Variants in UVRAG observed in about 807,000 individuals in gnomAD.
The protein encoded by UVRAG is UV radiation resistance-associated gene protein.
A neutral mutation model predicts 78.0 loss-of-function variants in UVRAG; 19 were observed. The ratio of observed to expected loss-of-function variants is 0.24; its 90% CI spans 0.17 to 0.36. The LOEUF (loss-of-function observed/expected upper bound fraction) is 0.36. UVRAG is among the 10% of genes least tolerant of loss of function. The pLI is 1.00. For synonymous variants in UVRAG, 323 were observed against 324.6 expected, an observed-to-expected ratio of 1.00 and a Z score of 0.05; for missense variants, 740 against 853.8, an observed-to-expected ratio of 0.87 and a Z score of 1.66.
intron 2 of UVRAG, among the ~76,000 whole-genome samples, chr11:75,858,691 C>T (rs1180401883): frequency 3.3e-5 from 5 of 152,152 alleles, no homozygotes; most frequent in Non-Finnish European, 7.3e-5. Flanking sequence ...CGAAATTGCC[C>T]TCCGTGGGAG....
At chr11:76,056,584 T>C (rs1323567110) in intron 12 of UVRAG, among the ~76,000 whole-genome samples, 1 of 152,228 alleles carries the variant, frequency 6.6e-6, no homozygotes, top group East Asian at 1.9e-4. Context: ...AAACTTACTC[T>C]GCAGATCCCT....
rs1951940923 is a variant in UVRAG, at chr11:76,104,736, A to ATT, written c.1306-11186_1306-11185dup. 2.6e-5 allele frequency among the ~76,000 whole-genome samples: 4 copies of ATT among 152,180 alleles called. No homozygotes were observed. The South Asian group carries it at 8.3e-4, about 32-fold the overall frequency. On this transcript the variant is annotated intron_variant, in intron 13 of 14. Coordinates refer to ENST00000356136, the MANE Select transcript of UVRAG (RefSeq NM_003369.4). ...TATTTATTACTTGTTGAATTAAGTA[A>ATT]TTTCTTCTAATGATCCTGTCGGGTA...
chr11:76,013,125 T>C (rs762134251), intron 11 of UVRAG: 3 of 152,152 alleles, frequency 2.0e-5, no homozygotes, highest in Non-Finnish European at 4.4e-5. Context: ...AGATCACTTA[T>C]TGTACTTGGA....
intron 13 of UVRAG, among the ~76,000 whole-genome samples, chr11:76,080,505 A>G (rs1951476194): frequency 6.6e-6 from 1 of 151,534 alleles, no homozygotes; most frequent in African/African-American, 2.4e-5. Flanking sequence ...ATAATAGAAT[A>G]TATATATATA....
rs1219145546 is a variant in UVRAG at position 76,142,865 on chromosome 11, C to G, written c.*1452C>G. 2 of 152,434 alleles carry G rather than the reference C, an allele frequency of 1.3e-5. No individual in the cohort carries two copies. Among genetic ancestry groups the G allele is most frequent in the East Asian group, 3.8e-4 (2 of 5,200 alleles). 9.4% of individuals were successfully genotyped at this position (152,434 alleles called of 1,614,324 possible). Reference sequence around the variant, plus strand: ...TTGTCCTGCATAACAGCTTCACTCACAGGCCTCACCGTCACTTTATTTTGT... The same window carrying G: ...TTGTCCTGCATAACAGCTTCACTCAGAGGCCTCACCGTCACTTTATTTTGT... On this transcript the variant is annotated 3_prime_UTR_variant, in exon 15 of 15. Coordinates refer to ENST00000356136, the MANE Select transcript of UVRAG (RefSeq NM_003369.4).
At chr11:75,823,646 G>C (rs1201300792) in intron 1 of UVRAG, among the ~76,000 whole-genome samples, 1 of 152,204 alleles carries the variant, frequency 6.6e-6, no homozygotes, top group Non-Finnish European at 1.5e-5. Flanking sequence ...GTAACTTAAA[G>C]TCACACAGAG....
At position 76,140,998 on chromosome 11, in the gene UVRAG, A is replaced by G; in HGVS notation, c.1685A>G (p.Lys562Arg). Residue 562 changes from lysine to arginine, a missense_variant, in exon 15 of 15, where the codon AAG becomes AGG. Coordinates refer to ENST00000356136, the MANE Select transcript of UVRAG (RefSeq NM_003369.4). Reference sequence around the variant, plus strand: ...TCCTTGGACTTCTCCAAAGAAAACAAGAAAAAAGGAGAGGATCTAGTTGGC... The same window carrying G: ...TCCTTGGACTTCTCCAAAGAAAACAGGAAAAAAGGAGAGGATCTAGTTGGC... Reference protein sequence around the residue: ...DTSLDFSKENKKKGEDLVGSL... With the variant: ...DTSLDFSKENRKKGEDLVGSL... 1.2e-6 allele frequency: 2 copies of G among 1,614,156 alleles called. No homozygotes were observed. Among genetic ancestry groups the G allele is most frequent in the East Asian group, 4.5e-5 (2 of 44,884 alleles).
chr11:75,931,671 A>G (rs776486035), intron 6 of UVRAG, among the ~76,000 whole-genome samples: 15 of 152,328 alleles, frequency 9.8e-5, no homozygotes, highest in Non-Finnish European at 1.9e-4. Flanking sequence ...GTTATCATTA[A>G]AACATGAAAC....
chr11:76,021,679 G>A (rs1950248589), intron 12 of UVRAG, among the ~76,000 whole-genome samples: 1 of 151,962 alleles, frequency 6.6e-6, no homozygotes, highest in African/African-American at 2.4e-5. Flanking sequence ...ATTCATTTTT[G>A]TATGTTATGT....
intron 13 of UVRAG, among the ~76,000 whole-genome samples, chr11:76,084,194 A>G (rs150491150): frequency 9.8e-5 from 15 of 152,370 alleles, no homozygotes; most frequent in South Asian, 4.1e-4. Context: ...GTGAGTGGAT[A>G]TATTTCCTAA....
rs1323057480 is a variant in UVRAG, at chr11:75,912,051, C to G, written c.593+12C>G. On this transcript the variant is annotated intron_variant, in intron 6 of 14. Transcript: ENST00000356136. The stretch of plus-strand genomic sequence containing the variant: ...TTCTCTTTGCTACGGTAAGAAACTT[C>G]TTAGATTGCCCTGAATTCTAAAGAA... The G allele has an allele frequency of 2.2e-5, 35 of 1,569,166 alleles. No homozygotes were observed. In the Admixed American group the frequency reaches 3.2e-4, roughly 14 times the overall value.
chr11:76,141,046 A>G lies in UVRAG; in HGVS notation c.1733A>G (p.Asn578Ser), dbSNP rs1341340564. 6.2e-7 allele frequency: 1 copy of G among 1,614,050 alleles called. No homozygotes were observed. Among genetic ancestry groups the G allele is most frequent in the African/African-American group, 1.3e-5 (1 of 74,932 alleles). ...LVGSLNGGHA[N>S]VHPSQEQGEA... ...GGCAGCTTAAACGGAGGCCACGCGA[A>G]TGTGCACCCTAGCCAAGAACAAGGA... The change falls in exon 15 of 15, where the codon AAT becomes AGT. Residue 578 changes from asparagine to serine, a missense_variant. Asn to Ser is a conservative substitution (Grantham distance 46). Transcript: ENST00000356136.
At chr11:75,884,273 C>G (rs1235077885) in intron 4 of UVRAG, among the ~76,000 whole-genome samples, 2 of 140,022 alleles carry the variant, frequency 1.4e-5, no homozygotes, top group African/African-American at 5.8e-5. Flanking sequence ...GTGTTCAGAT[C>G]TTTTGCTCAT....
intron 12 of UVRAG, among the ~76,000 whole-genome samples, chr11:76,022,894 T>C (rs1439669239): frequency 1.3e-5 from 2 of 152,186 alleles, no homozygotes; most frequent in Non-Finnish European, 2.9e-5. Flanking sequence ...AGGTGTACCC[T>C]TTTGATTCCT....
rs779129926 is a variant in UVRAG at position 76,143,880 on chromosome 11, A to C, written c.*2467A>C. On this transcript the variant is annotated 3_prime_UTR_variant, in exon 15 of 15. Transcript: ENST00000356136. ...TAAGTTGAATTGGAAACTCATTACT[A>C]TCTATTTCTGAACTGCTAAGAACCC... 3.0e-4 allele frequency among the ~76,000 whole-genome samples: 45 copies of C among 152,238 alleles called. No individual in the cohort carries two copies. The highest frequency in any genetic ancestry group is 5.0e-4 in the Non-Finnish European group (34 of 68,040).
At chr11:75,860,793 C>CTTT (rs59883539) in intron 2 of UVRAG, among the ~76,000 whole-genome samples, 14 of 144,184 alleles carry the variant, frequency 9.7e-5, no homozygotes, top group Middle Eastern at 3.6e-3. Flanking sequence ...CTTTTCTTTT[C>CTTT]TTTTTTTTTT....
intron 14 of UVRAG, among the ~76,000 whole-genome samples, chr11:76,122,143 AAAAAGT>A (rs1369518391): frequency 6.6e-6 from 1 of 152,234 alleles, no homozygotes; most frequent in African/African-American, 2.4e-5. Flanking sequence ...TGAAAAAAGT[AAAAAGT>A]ACGACATGCT....
At chr11:76,042,536 G>A (rs1950668396) in intron 12 of UVRAG, among the ~76,000 whole-genome samples, 1 of 152,112 alleles carries the variant, frequency 6.6e-6, no homozygotes. Flanking sequence ...CAGTGCCAGG[G>A]AGTGAACTAC....
chr11:75,933,250 A>G (rs1029126462), intron 6 of UVRAG, among the ~76,000 whole-genome samples: 1 of 152,208 alleles, frequency 6.6e-6, no homozygotes, highest in Non-Finnish European at 1.5e-5. Flanking sequence ...AAGAACATAC[A>G]TTGGAGAAAG....
Sources: gnomAD v4.1 joint callset for allele counts (sites outside exome capture counted in the v4.1 genomes callset) on GRCh38, gnomAD v4.1.1 for gene constraint, MANE v1.5 for transcripts, NCBI Gene and HGNC (gene_info 2026-07-23, HGNC 2026-07-21) for gene names.